The following AGBL1 variants were observed in gnomAD, a reference collection of about 807,000 sequenced individuals.
AGBL1 encodes AGBL carboxypeptidase 1, also known as cytosolic carboxypeptidase 4.
Under a neutral mutation model 118.9 loss-of-function variants are expected in AGBL1, and 130 were observed. The ratio of observed to expected loss-of-function variants is 1.09; its 90% CI spans 0.95 to 1.26. The LOEUF (loss-of-function observed/expected upper bound fraction) is 1.26. AGBL1 is among the 50% of genes most tolerant of loss of function. The pLI, the probability that AGBL1 is intolerant of heterozygous loss-of-function variation, is 0.00. For synonymous variants in AGBL1, 555 were observed against 478.9 expected, an observed-to-expected ratio of 1.16 and a Z score of -2.08; for missense variants, 1,584 against 1,298.1, an observed-to-expected ratio of 1.22 and a Z score of -3.38.
intron 22 of AGBL1, among the ~76,000 whole-genome samples, chr15:86,890,776 G>A (rs1457860592): frequency 6.6e-6 from 1 of 152,192 alleles, no homozygotes; most frequent in Non-Finnish European, 1.5e-5. Flanking sequence ...GTACCATGCT[G>A]TTGTGGTTAC....
chr15:86,497,004 T>C (rs899873362), intron 18 of AGBL1, among the ~76,000 whole-genome samples: 1 of 152,018 alleles, frequency 6.6e-6, no homozygotes, highest in African/African-American at 2.4e-5. Context: ...TAAATCTTTA[T>C]ATTTTGTTTC....
chr15:86,736,433 C>T (rs1485424801), intron 22 of AGBL1, among the ~76,000 whole-genome samples: 1 of 151,868 alleles, frequency 6.6e-6, no homozygotes, highest in African/African-American at 2.4e-5. Flanking sequence ...CTGCCTAGTG[C>T]ACTTCTATAT....
intron 18 of AGBL1, among the ~76,000 whole-genome samples, chr15:86,474,395 A>G (rs1596160198): frequency 6.6e-6 from 1 of 152,158 alleles, no homozygotes; most frequent in Non-Finnish European, 1.5e-5. Context: ...CGCTTTTCCA[A>G]TGGTCTTAGC....
intron 22 of AGBL1, among the ~76,000 whole-genome samples, chr15:86,780,152 G>T (rs2078313789): frequency 6.6e-6 from 1 of 152,018 alleles, no homozygotes; most frequent in African/African-American, 2.4e-5. Flanking sequence ...AGTTATTTCT[G>T]TATATAATAT....
At chr15:86,789,717 ATACT>A (rs1034909311) in intron 22 of AGBL1, among the ~76,000 whole-genome samples, 1 of 152,122 alleles carries the variant, frequency 6.6e-6, no homozygotes, top group African/African-American at 2.4e-5. Context: ...AGTCTTTGTG[ATACT>A]TAGAGACCCC....
chr15:86,677,138 C>CA (rs1396655273), intron 22 of AGBL1, among the ~76,000 whole-genome samples: 2 of 152,146 alleles, frequency 1.3e-5, no homozygotes, highest in African/African-American at 4.8e-5. Flanking sequence ...ACACTGTGGA[C>CA]ATCATGTTTT....
intron 1 of AGBL1, among the ~76,000 whole-genome samples, chr15:86,093,881 A>C (rs1286226783): frequency 2.0e-5 from 3 of 152,168 alleles, no homozygotes; most frequent in Non-Finnish European, 4.4e-5. Flanking sequence ...CCTTCAATAT[A>C]CTGATAATAT....
At chr15:86,319,680 A>G (rs2141840528) in intron 17 of AGBL1, among the ~76,000 whole-genome samples, 1 of 148,924 alleles carries the variant, frequency 6.7e-6, no homozygotes, top group East Asian at 2.0e-4. Context: ...TGTCACTTTA[A>G]ATAAATTCTG....
At chr15:86,542,633 G>A (rs2083520567) in intron 19 of AGBL1, among the ~76,000 whole-genome samples, 1 of 152,130 alleles carries the variant, frequency 6.6e-6, no homozygotes, top group Non-Finnish European at 1.5e-5. Flanking sequence ...CTCCCAAAGT[G>A]CTGGGATTTC....
At chr15:86,715,200 G>A (rs1186808161) in intron 22 of AGBL1, among the ~76,000 whole-genome samples, 2 of 152,192 alleles carry the variant, frequency 1.3e-5, no homozygotes, top group Non-Finnish European at 2.9e-5. Flanking sequence ...TGAAGTCAGA[G>A]AATGGGGGAA....
At chr15:86,404,378 T>G (rs1351790802) in intron 18 of AGBL1, among the ~76,000 whole-genome samples, 1 of 152,204 alleles carries the variant, frequency 6.6e-6, no homozygotes, top group Non-Finnish European at 1.5e-5. Flanking sequence ...GAATATTTAT[T>G]GTCATGGGAC....
At chr15:86,162,516 G>T (rs1162368642) in intron 5 of AGBL1, among the ~76,000 whole-genome samples, 1 of 152,162 alleles carries the variant, frequency 6.6e-6, no homozygotes, top group East Asian at 1.9e-4. Flanking sequence ...AACCCTCTGT[G>T]GCCTTGTGCC....
At chr15:86,710,176 T>A (rs1485523147) in intron 22 of AGBL1, among the ~76,000 whole-genome samples, 3 of 48,000 alleles carry the variant, frequency 6.3e-5, no homozygotes, top group Non-Finnish European at 1.4e-4. Flanking sequence ...TTGCTGAACT[T>A]AGAAAAAAAT....
At chr15:86,079,865 C>T, upstream of AGBL1, 1 of 782,278 alleles carries the variant, frequency 1.3e-6, no homozygotes, top group East Asian at 3.3e-5. Context: ...GCTGAGGCCT[C>T]CGGGCAGTCG....
chr15:86,544,625 A>G (rs1375250663), intron 19 of AGBL1, among the ~76,000 whole-genome samples: 1 of 152,070 alleles, frequency 6.6e-6, no homozygotes, highest in East Asian at 1.9e-4. Flanking sequence ...CCTTTATAAA[A>G]CCATCAGGTC....
Position 87,028,729 on chromosome 15 carries a change from G to A in AGBL1, c.3324-96G>A, listed in dbSNP as rs569322812. ...TCCATAGATGAGGAAAATGAATTTC[G>A]TATCTCTAAAAGGTCAATTTGCCAA... On this transcript the variant is annotated intron_variant, in intron 24 of 24. Coordinates refer to the AGBL1 transcript ENST00000441037. The A allele has an allele frequency of 3.4e-4, 364 of 1,082,704 alleles. 2 individuals carry two copies. Among genetic ancestry groups the A allele is most frequent in the South Asian group, 6.0e-4 (44 of 73,918 alleles). 67.1% of individuals were successfully genotyped at this position (1,082,704 alleles called of 1,614,324 possible).
At chr15:86,675,246 G>A (rs1159472569) in intron 22 of AGBL1, among the ~76,000 whole-genome samples, 1 of 152,074 alleles carries the variant, frequency 6.6e-6, no homozygotes, top group African/African-American at 2.4e-5. Context: ...GGAGGCATCT[G>A]GTCGTGCACT....
At chr15:86,441,124 T>C (rs531290859) in intron 18 of AGBL1, among the ~76,000 whole-genome samples, 196 of 152,330 alleles carry the variant, frequency 1.3e-3, no homozygotes, top group African/African-American at 4.6e-3. Flanking sequence ...AGGTGAAGGC[T>C]TGCTGGCAAG....
intron 23 of AGBL1, among the ~76,000 whole-genome samples, chr15:86,971,457 T>C (rs963131853): frequency 6.6e-6 from 1 of 151,958 alleles, no homozygotes; most frequent in Non-Finnish European, 1.5e-5. Flanking sequence ...TGCTAAATAT[T>C]GCCTCATTTA....
Sources: allele counts gnomAD v4.1 joint callset (sites outside exome capture counted in the v4.1 genomes callset), GRCh38; gene constraint gnomAD v4.1.1; transcripts MANE v1.5; gene names NCBI Gene and HGNC (gene_info 2026-07-23, HGNC 2026-07-21).